ACAD11: variants seen among roughly 807,000 people sequenced by gnomAD.
ACAD11 encodes acyl-Coenzyme A dehydrogenase family, member 11.
Under a neutral mutation model 102.2 loss-of-function variants are expected in ACAD11, and 83 were observed. The observed-to-expected ratio is 0.81, with a 90% CI of 0.68 to 0.97. The LOEUF (loss-of-function observed/expected upper bound fraction) is 0.97, where lower values mean the gene tolerates loss of function less well. ACAD11 is among the 50% of genes least tolerant of loss of function. ACAD11 has a pLI of 0.00. For synonymous variants in ACAD11, 324 were observed against 319.8 expected, an observed-to-expected ratio of 1.01 and a Z score of -0.14; for missense variants, 901 against 951.7, an observed-to-expected ratio of 0.95 and a Z score of 0.70.
intron 11 of ACAD11, among the ~76,000 whole-genome samples, chr3:132,611,236 A>C (rs1243485346): frequency 6.6e-6 from 1 of 152,152 alleles, no homozygotes; most frequent in Non-Finnish European, 1.5e-5. Flanking sequence ...AAATAATAAG[A>C]GCTATCTATG....
chr3:132,637,732 A>G (rs1471285713), intron 5 of ACAD11, among the ~76,000 whole-genome samples: 1 of 152,176 alleles, frequency 6.6e-6, no homozygotes, highest in Non-Finnish European at 1.5e-5. Context: ...ACTTGCCCAA[A>G]CATGCTTTAA....
intron 1 of ACAD11, among the ~76,000 whole-genome samples, chr3:132,649,139 T>G (rs1477517037): frequency 1.3e-5 from 2 of 152,232 alleles, no homozygotes; most frequent in Non-Finnish European, 2.9e-5. Flanking sequence ...TGTCCAAGGT[T>G]TCTCCCCATG....
chr3:132,624,056 T>C (rs1191792940), intron 9 of ACAD11, among the ~76,000 whole-genome samples: 2 of 120,848 alleles, frequency 1.7e-5, no homozygotes, highest in East Asian at 2.7e-4. Context: ...TGCTCACACC[T>C]GTAATCCCAG....
At chr3:132,614,950 A>G (rs1939344322) in intron 11 of ACAD11, among the ~76,000 whole-genome samples, 1 of 152,252 alleles carries the variant, frequency 6.6e-6, no homozygotes, top group African/African-American at 2.4e-5. Context: ...AATATCCAGA[A>G]TCTACAAAGA....
At chr3:132,571,597 T>C (rs1308415236) in intron 17 of ACAD11, among the ~76,000 whole-genome samples, 1 of 152,170 alleles carries the variant, frequency 6.6e-6, no homozygotes, top group Non-Finnish European at 1.5e-5. Context: ...CAGAATGGCA[T>C]TGCGTAGGTT....
At chr3:132,569,164 G>T (rs758619631) in intron 17 of ACAD11, among the ~76,000 whole-genome samples, 2 of 152,018 alleles carry the variant, frequency 1.3e-5, no homozygotes, top group Non-Finnish European at 2.9e-5. Context: ...AAAAAAAAGT[G>T]ATCTAGGACA....
At chr3:132,656,078 C>A (rs1326110781) in intron 1 of ACAD11, among the ~76,000 whole-genome samples, 1 of 152,164 alleles carries the variant, frequency 6.6e-6, no homozygotes, top group African/African-American at 2.4e-5. Context: ...TTATATTTAT[C>A]ATTCCCTTGA....
At chr3:132,582,377 G>T (rs1236450557) in intron 13 of ACAD11, among the ~76,000 whole-genome samples, 3 of 151,352 alleles carry the variant, frequency 2.0e-5, no homozygotes, top group Non-Finnish European at 4.4e-5. Context: ...CATGATGTTT[G>T]GATGTGGAGA....
intron 13 of ACAD11, among the ~76,000 whole-genome samples, chr3:132,594,237 C>T (rs977352490): frequency 4.3e-4 from 65 of 152,114 alleles, no homozygotes; most frequent in African/African-American, 1.3e-3. Flanking sequence ...GCATTACAAC[C>T]GATTTGCAAT....
At chr3:132,599,743 T>A (rs963840466) in intron 13 of ACAD11, among the ~76,000 whole-genome samples, 1 of 151,972 alleles carries the variant, frequency 6.6e-6, no homozygotes, top group African/African-American at 2.4e-5. Flanking sequence ...TAGAAGATAG[T>A]GGTGCTACTA....
In ACAD11 at chr3:132,595,014, A is replaced by G. The variant is rs371585754; in HGVS notation, c.1621+8215T>C. On this transcript the variant is annotated intron_variant, in intron 13 of 19. Coordinates refer to ENST00000264990, the MANE Select transcript of ACAD11 (RefSeq NM_032169.5). ...GTTCTGATGAAGCTTATGTTCTAAT[A>G]CAGGGTGAAAGACAAATTACAGCAA... 7.4e-4 allele frequency among the ~76,000 whole-genome samples: 112 copies of G among 152,342 alleles called. 1 individual carries two copies. The highest frequency in any genetic ancestry group is 2.6e-3 in the African/African-American group (107 of 41,596).
Position 132,578,812 on chromosome 3 carries a change from T to C in ACAD11, c.1758A>G (p.Ser586=). ...TPGVKIIRPL[S]VFGYTDNFHG... ...GATACCTACCTGTGTAGCCAAAAAC[T>C]GACAAAGGCCTTATTATTTTTACTC... The change falls in exon 15 of 20, where the codon TCA becomes TCG. Residue 586 remains serine, a synonymous_variant. Coordinates refer to ENST00000264990, the MANE Select transcript of ACAD11 (RefSeq NM_032169.5). 1.2e-6 allele frequency: 2 copies of C among 1,612,890 alleles called. No individual in the cohort carries two copies. Among genetic ancestry groups the C allele is most frequent in the South Asian group, 1.1e-5 (1 of 90,864 alleles).
chr3:132,607,253 A>C (rs1938885946), intron 11 of ACAD11, among the ~76,000 whole-genome samples: 1 of 152,172 alleles, frequency 6.6e-6, no homozygotes, highest in Non-Finnish European at 1.5e-5. Context: ...GCAAGGGAAC[A>C]AAACTGGATG....
At chr3:132,616,660 T>C (rs972696826) in intron 11 of ACAD11, among the ~76,000 whole-genome samples, 1 of 152,210 alleles carries the variant, frequency 6.6e-6, no homozygotes, top group Non-Finnish European at 1.5e-5. Context: ...ATAAAATATA[T>C]TTCTTACTAT....
At chr3:132,656,037 C>T (rs1418951418) in intron 1 of ACAD11, among the ~76,000 whole-genome samples, 5 of 152,174 alleles carry the variant, frequency 3.3e-5, no homozygotes, top group African/African-American at 1.2e-4. Context: ...CCCTGTATGT[C>T]CTTCCCCTTG....
intron 18 of ACAD11, among the ~76,000 whole-genome samples, chr3:132,560,851 G>T (rs1199782986): frequency 6.6e-6 from 1 of 152,118 alleles, no homozygotes; most frequent in East Asian, 1.9e-4. Flanking sequence ...TAAAGCCTAT[G>T]ATTTCCCCCA....
In ACAD11 at chr3:132,579,168, T is replaced by A. The variant is rs1401492054; in HGVS notation, c.1689-287A>T. ...ATATAATTAAACATTTCAAGATTAT[T>A]GCCTTTGATCTAAACATCTAATCAC... On this transcript the variant is annotated intron_variant, in intron 14 of 19. Transcript: ENST00000264990. 3 of 997,760 alleles carry A rather than the reference T, an allele frequency of 3.0e-6. No homozygotes were observed. The African/African-American group carries it at 4.9e-5, about 16-fold the overall frequency. 61.8% of individuals were successfully genotyped at this position (997,760 alleles called of 1,614,324 possible).
chr3:132,659,372 G>T (rs1559984351), intron 1 of ACAD11: 6 of 548,902 alleles, frequency 1.1e-5, no homozygotes, highest in Non-Finnish European at 1.9e-5. Context: ...GATTCCTTTG[G>T]ATAGTAGAAT....
intron 11 of ACAD11, among the ~76,000 whole-genome samples, chr3:132,613,954 T>C (rs1939285797): frequency 6.6e-6 from 1 of 152,044 alleles, no homozygotes; most frequent in Non-Finnish European, 1.5e-5. Flanking sequence ...CTCCTTAAGC[T>C]GATAAGCAAC....
Sources: gnomAD v4.1 joint callset for allele counts (sites outside exome capture counted in the v4.1 genomes callset) on GRCh38, gnomAD v4.1.1 for gene constraint, MANE v1.5 for transcripts, NCBI Gene and HGNC (gene_info 2026-07-23, HGNC 2026-07-21) for gene names.